The following YLPM1 variants were observed in gnomAD, a reference collection of about 807,000 sequenced individuals.
YLPM1 encodes the protein YLP motif containing 1.
A neutral mutation model predicts 230.0 loss-of-function variants in YLPM1; 99 were observed. The ratio of observed to expected loss-of-function variants is 0.43; its 90% CI spans 0.37 to 0.51. The LOEUF is 0.51. YLPM1 is among the 20% of genes least tolerant of loss of function. YLPM1 has a pLI of 0.00. For synonymous variants in YLPM1, 984 were observed against 942.5 expected (o/e 1.04, Z -0.81); for missense variants, 2,592 against 2,707.7 (o/e 0.96, Z 0.95).
chr14:74,787,463 C>T (rs562563141), intron 4 of YLPM1, among the ~76,000 whole-genome samples: 7 of 151,404 alleles, frequency 4.6e-5, no homozygotes, highest in East Asian at 1.9e-4. Flanking sequence ...CTCGGGAGGC[C>T]GAGGCACAAG....
chr14:74,809,896 A>T lies in YLPM1; in HGVS notation c.4940-14A>T. On this transcript the variant is annotated splice_polypyrimidine_tract_variant and intron_variant, in intron 7 of 20. Coordinates refer to ENST00000325680, the MANE Select transcript of YLPM1 (RefSeq NM_019589.3). ...TCACTCTTACAGTACTTTATCTCTG[A>T]TTTTGTTTACCAGATATATCCACTA... The T allele has an allele frequency of 6.2e-7, 1 of 1,604,636 alleles. No individual in the cohort carries two copies. The highest frequency in any genetic ancestry group is 8.5e-7 in the Non-Finnish European group (1 of 1,175,776).
intron 9 of YLPM1, among the ~76,000 whole-genome samples, chr14:74,810,688 G>T (rs1010559530): frequency 6.6e-6 from 1 of 151,160 alleles, no homozygotes; most frequent in Non-Finnish European, 1.5e-5. Flanking sequence ...CAGTAGGCAA[G>T]CAATTTATTT....
Position 74,778,637 on chromosome 14 carries a change from C to T in YLPM1, c.1064C>T (p.Pro355Leu), listed in dbSNP as rs1023182266. The T allele has an allele frequency of 5.0e-6, 8 of 1,589,006 alleles. No individual in the cohort carries two copies. Among genetic ancestry groups the T allele is most frequent in the Non-Finnish European group, 6.8e-6 (8 of 1,168,092 alleles). The part of the protein sequence containing the change: ...SPSSEEPPLP[P>L]PNEEVPPPLP... Reference sequence around the variant, plus strand: ...TCTTCTGAGGAGCCCCCATTGCCACCTCCAAATGAGGAAGTGCCACCTCCT... The same window carrying T: ...TCTTCTGAGGAGCCCCCATTGCCACTTCCAAATGAGGAAGTGCCACCTCCT... The change falls in exon 2 of 21, where the codon CCT (proline) becomes CTT (leucine). Residue 355 changes from proline to leucine, a missense_variant. This residue lies in a region of YLPM1 where 1,862 missense variants were observed against 1,819.8 expected (regional missense o/e 1.02). Coordinates refer to ENST00000325680, the MANE Select transcript of YLPM1 (RefSeq NM_019589.3).
rs2091381692 is a variant in YLPM1, at chr14:74,806,676, T to C, written c.4522-2704T>C. Among the ~76,000 whole-genome samples, 3 of 152,166 alleles carry C rather than the reference T, an allele frequency of 2.0e-5. No homozygotes were observed. In the South Asian group the frequency reaches 6.2e-4, roughly 31 times the overall value. ...CATTAGCTACTTAATATTTTTGGTA[T>C]ATTTAATAATTTTAATACAGCATTT... On this transcript the variant is annotated intron_variant, in intron 6 of 20. Coordinates refer to ENST00000325680, the MANE Select transcript of YLPM1 (RefSeq NM_019589.3).
At chr14:74,835,146 AT>A in intron 19 of YLPM1, 118 bp from the exon 20 acceptor site, 1 of 1,326,720 alleles carries the variant, frequency 7.5e-7, no homozygotes, top group Non-Finnish European at 1.0e-6. Context: ...TTAGTTTTTA[AT>A]TTTTTAAACT....
chr14:74,765,240 TG>T (rs1292304543), intron 1 of YLPM1, among the ~76,000 whole-genome samples: 1 of 152,208 alleles, frequency 6.6e-6, no homozygotes, highest in African/African-American at 2.4e-5. Flanking sequence ...ATAAATCAAT[TG>T]TTATGATTTC....
At chr14:74,792,278 T>C (rs1234967497) in intron 4 of YLPM1, among the ~76,000 whole-genome samples, 1 of 152,230 alleles carries the variant, frequency 6.6e-6, no homozygotes, top group Non-Finnish European at 1.5e-5. Context: ...CTAGTGCTGC[T>C]TTCTCAATCT....
intron 1 of YLPM1, among the ~76,000 whole-genome samples, chr14:74,767,109 C>G (rs1006713261): frequency 1.3e-5 from 2 of 152,022 alleles, no homozygotes; most frequent in Non-Finnish European, 2.9e-5. Flanking sequence ...GTCTTGAACT[C>G]CTGACCTCAT....
In YLPM1 at chr14:74,781,404, A is replaced by C. The variant is rs752665257; in HGVS notation, c.1361A>C (p.Glu454Ala). 2.6e-5 allele frequency: 42 copies of C among 1,599,846 alleles called. No homozygotes were observed. The highest frequency in any genetic ancestry group is 4.3e-6 in the Non-Finnish European group (5 of 1,172,514). Residue 454 changes from glutamate (E) to alanine (A), a missense_variant, in exon 4 of 21, where the codon GAA (glutamate) becomes GCA (alanine). Transcript: ENST00000325680. ...CAACAGTTTCAACATCTTTACCAAG[A>C]ATGGGAGCGAGAGTTTCAGCTATGG... The part of the protein sequence containing the change: ...QQQQFQHLYQ[E>A]WEREFQLWEE...
chr14:74,815,379 CG>C (rs2091469404), intron 11 of YLPM1, among the ~76,000 whole-genome samples: 1 of 151,990 alleles, frequency 6.6e-6, no homozygotes, highest in African/African-American at 2.4e-5. Flanking sequence ...CTGGTCAACA[CG>C]GTGAAACCCC....
chr14:74,786,102 C>G (rs1305004781), intron 4 of YLPM1, among the ~76,000 whole-genome samples: 1 of 152,038 alleles, frequency 6.6e-6, no homozygotes, highest in Non-Finnish European at 1.5e-5. Context: ...TTGCTCATGC[C>G]TGTAATCCCA....
At chr14:74,773,789 C>T (rs1395777202) in intron 1 of YLPM1, among the ~76,000 whole-genome samples, 6 of 135,566 alleles carry the variant, frequency 4.4e-5, no homozygotes, top group African/African-American at 1.7e-4. Context: ...GGCACGATCT[C>T]GGCTCACTGC....
rs2091014239 is a variant in YLPM1 at position 74,774,621 on chromosome 14, T to C, written c.874-3826T>C. Among the ~76,000 whole-genome samples the C allele has an allele frequency of 2.6e-5, 4 of 152,180 alleles. No homozygotes were observed. The South Asian group carries it at 8.3e-4, about 32-fold the overall frequency. The stretch of plus-strand genomic sequence containing the variant: ...TGGGGTTTCACCGTGTTAGCCAGGA[T>C]GGTCTTGATCTCCTGACCTCATGAT... On this transcript the variant is annotated intron_variant, in intron 1 of 20. Transcript: ENST00000325680.
chr14:74,824,186 C>T, intron 17 of YLPM1, 70 bp from the exon 18 acceptor site: 1 of 1,468,600 alleles, frequency 6.8e-7, no homozygotes, highest in East Asian at 2.4e-5. Context: ...AATGCTTTTC[C>T]AGTTCAAACG....
chr14:74,828,506 G>T (rs1484269397), intron 18 of YLPM1, among the ~76,000 whole-genome samples: 2 of 152,068 alleles, frequency 1.3e-5, no homozygotes, highest in Non-Finnish European at 2.9e-5. Flanking sequence ...TTCATTAATT[G>T]ATTACAGTTT....
At chr14:74,820,476 A>G (rs2091512346) in intron 16 of YLPM1, among the ~76,000 whole-genome samples, 1 of 151,926 alleles carries the variant, frequency 6.6e-6, no homozygotes, top group African/African-American at 2.4e-5. Context: ...TTGAACTCCT[A>G]GACTCAAGCG....
At chr14:74,819,273 CTT>C (rs199554037) in intron 16 of YLPM1, among the ~76,000 whole-genome samples, 4 of 119,758 alleles carry the variant, frequency 3.3e-5, no homozygotes, top group African/African-American at 6.3e-5. Flanking sequence ...TGTCATTGTG[CTT>C]TTTTTTTTTT....
At position 74,797,970 on chromosome 14, in the gene YLPM1, G is replaced by T. The variant is rs1384241160; in HGVS notation, c.2673G>T (p.Lys891Asn). Residue 891 changes from lysine (K) to asparagine (N), a missense_variant, in exon 5 of 21, where the codon AAG becomes AAT. By Grantham distance (94) the Lys-to-Asn change is moderately conservative. This residue lies in a region of YLPM1 where 1,862 missense variants were observed against 1,819.8 expected (regional missense o/e 1.02). Transcript: ENST00000325680. The stretch of plus-strand genomic sequence containing the variant: ...CATTTTCCATTGCTGCAGATGTAAA[G>T]GATGTCAAGGCGGCTCAGTCAAATG... Reference protein sequence around the residue: ...SAAFSIAADVKDVKAAQSNEN... With the variant: ...SAAFSIAADVNDVKAAQSNEN... 1 of 1,613,860 alleles carries T rather than the reference G, an allele frequency of 6.2e-7. No individual in the cohort carries two copies. The highest frequency in any genetic ancestry group is 8.5e-7 in the Non-Finnish European group (1 of 1,179,846).
rs1335220157 is a variant in YLPM1, at chr14:74,764,376, T to C, written c.873+14T>C. On this transcript the variant is annotated intron_variant, in intron 1 of 20. Transcript: ENST00000325680. ...ATGACTCCACAGGTAAGAAAGCATC[T>C]GCCTGAACCTCATCTTTCACCTAGA... 6 of 1,582,140 alleles carry C rather than the reference T, an allele frequency of 3.8e-6. No individual in the cohort carries two copies. Among genetic ancestry groups the C allele is most frequent in the Non-Finnish European group, 4.3e-6 (5 of 1,161,716 alleles).
Sources: allele counts gnomAD v4.1 joint callset (sites outside exome capture counted in the v4.1 genomes callset), GRCh38; gene constraint gnomAD v4.1.1; regional missense constraint gnomAD v4.1.1; transcripts MANE v1.5; gene names NCBI Gene and HGNC (gene_info 2026-07-23, HGNC 2026-07-21).